DRC8: variants seen among roughly 807,000 people sequenced by gnomAD.
DRC8 encodes dynein regulatory complex subunit 8.
the DRC8 span, among the ~76,000 whole-genome samples, chr1:244,973,929 T>A: frequency 2.2e-4 from 34 of 152,308 alleles, no homozygotes; most frequent in East Asian, 2.3e-3. Context: ...TTGTTATACT[T>A]ATTTGTAGCA....
At chr1:245,048,862 A>G in the DRC8 span, among the ~76,000 whole-genome samples, 2 of 152,020 alleles carry the variant, frequency 1.3e-5, no homozygotes, top group African/African-American at 4.8e-5. Context: ...GTGTCTTGCT[A>G]TATTGTCCAG....
the DRC8 span, among the ~76,000 whole-genome samples, chr1:245,054,865 C>T: frequency 6.6e-6 from 1 of 152,206 alleles, no homozygotes; most frequent in African/African-American, 2.4e-5. Flanking sequence ...GATGTTGGCA[C>T]AAGACTTGAG....
At chr1:245,071,187 C>T in the DRC8 span, among the ~76,000 whole-genome samples, 1 of 152,178 alleles carries the variant, frequency 6.6e-6, no homozygotes, top group Admixed American at 6.5e-5. Flanking sequence ...AAATACCTGA[C>T]AATGTGGAAG....
the DRC8 span, among the ~76,000 whole-genome samples, chr1:245,095,271 T>A: frequency 2.0e-5 from 3 of 152,176 alleles, no homozygotes; most frequent in Non-Finnish European, 4.4e-5. Flanking sequence ...GGCAGCCATG[T>A]GGAAGGCAGG....
chr1:244,999,982 C>T, the DRC8 span, among the ~76,000 whole-genome samples: 1 of 152,210 alleles, frequency 6.6e-6, no homozygotes, highest in South Asian at 2.1e-4. Flanking sequence ...CCACACTCAG[C>T]TAATTTTTGT....
the DRC8 span, among the ~76,000 whole-genome samples, chr1:245,051,216 T>C: frequency 6.6e-6 from 1 of 151,518 alleles, no homozygotes; most frequent in East Asian, 1.9e-4. Context: ...ATAGCAAGAC[T>C]CTGTCTCTAT....
At chr1:245,000,076 C>T in the DRC8 span, among the ~76,000 whole-genome samples, 2 of 152,240 alleles carry the variant, frequency 1.3e-5, no homozygotes, top group African/African-American at 2.4e-5. Flanking sequence ...GCCTCAGCCT[C>T]CCAGGGTGCT....
the DRC8 span, among the ~76,000 whole-genome samples, chr1:245,116,363 G>A: frequency 1.3e-5 from 2 of 152,080 alleles, no homozygotes; most frequent in Non-Finnish European, 2.9e-5. Flanking sequence ...ACTCCAGCCT[G>A]GGCAATGGAG....
At chr1:245,014,342 A>G in the DRC8 span, among the ~76,000 whole-genome samples, 1 of 152,234 alleles carries the variant, frequency 6.6e-6, no homozygotes, top group African/African-American at 2.4e-5. Context: ...ACATGAATAG[A>G]CAATTCATAA....
chr1:245,105,601 C>A, the DRC8 span, among the ~76,000 whole-genome samples: 1 of 142,286 alleles, frequency 7.0e-6, no homozygotes, highest in East Asian at 2.0e-4. Flanking sequence ...TCAGCCTGGG[C>A]CACAGAGCAA....
At chr1:245,109,798 C>T in the DRC8 span, among the ~76,000 whole-genome samples, 1 of 152,344 alleles carries the variant, frequency 6.6e-6, no homozygotes, top group African/African-American at 2.4e-5. Context: ...GCTACAAAGC[C>T]TGTGCGAGGC....
At chr1:245,083,840 T>C in the DRC8 span, 1 of 1,124,244 alleles carries the variant, frequency 8.9e-7, no homozygotes, top group Non-Finnish European at 1.2e-6. Flanking sequence ...GGATGGTTTC[T>C]GTTCTGTGGG....
chr1:245,057,338 A>G, the DRC8 span, among the ~76,000 whole-genome samples: 2 of 152,260 alleles, frequency 1.3e-5, no homozygotes, highest in African/African-American at 2.4e-5. Context: ...ACAATTTTGC[A>G]CGAGCCTAAT....
the DRC8 span, among the ~76,000 whole-genome samples, chr1:245,031,755 T>C: frequency 6.6e-6 from 1 of 152,056 alleles, no homozygotes; most frequent in African/African-American, 2.4e-5. Context: ...GTGAGCACTG[T>C]CCCAGGCGGA....
chr1:245,026,250 G>T, the DRC8 span, among the ~76,000 whole-genome samples: 1 of 152,056 alleles, frequency 6.6e-6, no homozygotes, highest in Admixed American at 6.6e-5. Flanking sequence ...CTTCAGCTTC[G>T]TTAGCAATTG....
chr1:245,077,473 TATGTTACAAAGCAAAAG>T, the DRC8 span, among the ~76,000 whole-genome samples: 1 of 152,142 alleles, frequency 6.6e-6, no homozygotes, highest in Non-Finnish European at 1.5e-5. Context: ...AATTACAAAT[TATGTTACAAAGCAAAAG>T]TAATCAAAAC....
the DRC8 span, among the ~76,000 whole-genome samples, chr1:244,971,267 G>A: frequency 2.0e-5 from 3 of 152,104 alleles, no homozygotes; most frequent in African/African-American, 4.8e-5. Context: ...CCAAAACCTG[G>A]TTGAGATCTT....
At chr1:244,977,879 C>T in the DRC8 span, among the ~76,000 whole-genome samples, 1 of 152,072 alleles carries the variant, frequency 6.6e-6, no homozygotes, top group African/African-American at 2.4e-5. Flanking sequence ...GGTTGTATGT[C>T]CACTTGTTGG....
chr1:244,998,117 C>T, the DRC8 span, among the ~76,000 whole-genome samples: 1 of 152,290 alleles, frequency 6.6e-6, no homozygotes, highest in East Asian at 1.9e-4. Context: ...GACTGTAAGA[C>T]ACTCTGAAAT....
Sources: allele counts gnomAD v4.1 joint callset (sites outside exome capture counted in the v4.1 genomes callset), GRCh38; gene constraint gnomAD v4.1.1; transcripts MANE v1.5; gene names NCBI Gene and HGNC (gene_info 2026-07-23, HGNC 2026-07-21).